The following GTF2F2 variants were observed in gnomAD, a reference collection of about 807,000 sequenced individuals.
The protein encoded by GTF2F2 is ATP-dependent helicase GTF2F2.
GTF2F2 carries 23 observed loss-of-function variants against 42.2 expected under a neutral mutation model. That is an observed-to-expected ratio of 0.55 (90% confidence interval 0.39 to 0.77). The LOEUF is 0.77. Ranked by LOEUF, GTF2F2 falls within the 30% of genes least tolerant of loss-of-function variation. The probability of loss-of-function intolerance (pLI) is 0.00; values close to 1 mark genes in which losing one functional copy is unlikely to be tolerated. For missense variants in GTF2F2, 261 were observed against 287.2 expected, an observed-to-expected ratio of 0.91 and a Z score of 0.66; for synonymous variants, 105 against 100.8, an observed-to-expected ratio of 1.04 and a Z score of -0.25.
intron 5 of GTF2F2, among the ~76,000 whole-genome samples, chr13:45,207,961 A>T (rs943119957): frequency 6.6e-6 from 1 of 152,084 alleles, no homozygotes; most frequent in South Asian, 2.1e-4. Flanking sequence ...GTTTGAGACC[A>T]ACCTGGGCAA....
rs1877372019 is a variant in GTF2F2 at position 45,284,031 on chromosome 13, GT to G, written c.*475del. 1 of 152,118 alleles carries G rather than the reference GT, an allele frequency of 6.6e-6. No individual in the cohort carries two copies. Among genetic ancestry groups the G allele is most frequent in the African/African-American group, 2.4e-5 (1 of 41,422 alleles). 9.4% of individuals were successfully genotyped at this position (152,118 alleles called of 1,614,324 possible). A position where few individuals can be genotyped will look rare whatever the true frequency, so the allele number is the denominator to read the frequency against. On this transcript the variant is annotated 3_prime_UTR_variant, in exon 8 of 8. Coordinates refer to ENST00000340473, the MANE Select transcript of GTF2F2 (RefSeq NM_004128.3). Reference sequence around the variant, plus strand: ...TGAAATTGTCAAAGAACAAAGCGGTGTTTTTCTTTTAAACAGGTGATCACGT... The same window carrying G: ...TGAAATTGTCAAAGAACAAAGCGGTGTTTTCTTTTAAACAGGTGATCACGT...
intron 4 of GTF2F2, among the ~76,000 whole-genome samples, chr13:45,189,500 C>A (rs1261308128): frequency 1.3e-5 from 2 of 152,240 alleles, no homozygotes; most frequent in African/African-American, 4.8e-5. Context: ...AATGGTTGAA[C>A]TAATTTACAT....
intron 4 of GTF2F2, among the ~76,000 whole-genome samples, chr13:45,171,239 A>G (rs1871584773): frequency 6.6e-6 from 1 of 151,906 alleles, no homozygotes; most frequent in Non-Finnish European, 1.5e-5. Flanking sequence ...CACCAGGCCC[A>G]GCTAACTTTT....
At chr13:45,232,713 C>T (rs1204345175) in intron 5 of GTF2F2, among the ~76,000 whole-genome samples, 1 of 152,176 alleles carries the variant, frequency 6.6e-6, no homozygotes, top group Non-Finnish European at 1.5e-5. Flanking sequence ...GTTAGGTCAG[C>T]CTTCTTGAAC....
intron 5 of GTF2F2, among the ~76,000 whole-genome samples, chr13:45,222,836 A>G (rs1238622052): frequency 6.6e-6 from 1 of 152,206 alleles, no homozygotes; most frequent in Non-Finnish European, 1.5e-5. Flanking sequence ...TGCTTCGTGA[A>G]CTATGGCTAG....
chr13:45,209,846 C>T (rs1430763020), intron 5 of GTF2F2, among the ~76,000 whole-genome samples: 1 of 152,110 alleles, frequency 6.6e-6, no homozygotes, highest in Non-Finnish European at 1.5e-5. Flanking sequence ...TTTTTCAGTC[C>T]AAAACCATTG....
rs773254844 is a variant in GTF2F2 at position 45,273,655 on chromosome 13, A to ATT, written c.630+6295_630+6296dup. Among the ~76,000 whole-genome samples, 574 of 123,880 alleles carry ATT rather than the reference A, an allele frequency of 4.6e-3. 18 individuals are homozygous for ATT. Among genetic ancestry groups the ATT allele is most frequent in the Middle Eastern group, 0.02 (5 of 246 alleles). 81.3% of individuals were successfully genotyped at this position (123,880 alleles called of 152,430 possible). On this transcript the variant is annotated intron_variant, in intron 7 of 7. Coordinates refer to ENST00000340473, the MANE Select transcript of GTF2F2 (RefSeq NM_004128.3). ...CCACTTGATTTTAAAGAGTGGTAAA[A>ATT]TTTTTTTTTTTTTTTTTGAGACGGA...
intron 4 of GTF2F2, among the ~76,000 whole-genome samples, chr13:45,179,709 T>C (rs1172690007): frequency 6.6e-6 from 1 of 152,206 alleles, no homozygotes; most frequent in Non-Finnish European, 1.5e-5. Flanking sequence ...TATTTGGGGC[T>C]TGTAATTTCT....
intron 2 of GTF2F2, among the ~76,000 whole-genome samples, chr13:45,148,601 C>T (rs955150284): frequency 2.6e-5 from 4 of 152,128 alleles, no homozygotes; most frequent in Admixed American, 2.6e-4. Flanking sequence ...TGGCTTCTTC[C>T]TGTCTGATCC....
chr13:45,214,944 A>ACT (rs1873827640), intron 5 of GTF2F2, among the ~76,000 whole-genome samples: 1 of 152,170 alleles, frequency 6.6e-6, no homozygotes, highest in African/African-American at 2.4e-5. Context: ...TTGTCTTAAA[A>ACT]GTTTTTATTT....
At chr13:45,162,914 TC>T (rs141274650) in intron 4 of GTF2F2, among the ~76,000 whole-genome samples, 3,334 of 148,926 alleles carry the variant, frequency 0.022, 60 homozygotes, top group Middle Eastern at 0.048. Flanking sequence ...ATTTTAGATT[TC>T]TCCCCACCCC....
intron 4 of GTF2F2, among the ~76,000 whole-genome samples, chr13:45,174,103 C>T (rs1264156235): frequency 6.6e-6 from 1 of 152,124 alleles, no homozygotes; most frequent in African/African-American, 2.4e-5. Context: ...ACTAGCCTCT[C>T]ATTGAAGAAT....
chr13:45,185,833 A>G (rs1229655469), intron 4 of GTF2F2, among the ~76,000 whole-genome samples: 1 of 152,302 alleles, frequency 6.6e-6, no homozygotes, highest in Non-Finnish European at 1.5e-5. Context: ...TTATTTCCAT[A>G]CACAGCTATG....
intron 1 of GTF2F2, 54 bp downstream of exon 1, chr13:45,120,775 G>A (rs558002017): frequency 1.5e-6 from 2 of 1,330,994 alleles, no homozygotes; most frequent in Admixed American, 2.0e-5. Context: ...TATAGTTTAA[G>A]TAACTTGAGC....
chr13:45,218,657 T>G (rs1015329415), intron 5 of GTF2F2, among the ~76,000 whole-genome samples: 1 of 152,242 alleles, frequency 6.6e-6, no homozygotes, highest in Non-Finnish European at 1.5e-5. Context: ...TGGTCTTTGA[T>G]TTTTCTGAAA....
In GTF2F2 at chr13:45,151,795, G is replaced by A. The variant is rs567194890; in HGVS notation, c.268G>A (p.Gly90Arg). The change falls in exon 4 of 8, where the codon GGA (glycine) becomes AGA (arginine). Residue 90 changes from glycine to arginine, a missense_variant. Physicochemically the swap from Gly to Arg is moderately radical, Grantham distance 125. Coordinates refer to ENST00000340473, the MANE Select transcript of GTF2F2 (RefSeq NM_004128.3). The part of the protein sequence containing the change: ...EHPFVLQSVG[G>R]QTLTVFTESS... ...TCCATTTGTCTTGCAAAGTGTTGGAGGACAGACATTAACAGTATTTACTGA... is the reference window on the plus strand; with the variant it reads ...TCCATTTGTCTTGCAAAGTGTTGGAAGACAGACATTAACAGTATTTACTGA... The A allele has an allele frequency of 6.0e-5, 95 of 1,574,984 alleles. No individual in the cohort carries two copies. The Admixed American group carries it at 6.9e-4, about 11-fold the overall frequency.
chr13:45,270,804 T>C (rs1224502534), intron 7 of GTF2F2, among the ~76,000 whole-genome samples: 1 of 152,218 alleles, frequency 6.6e-6, no homozygotes. Context: ...TTTTCATATT[T>C]TATCTGTCAA....
chr13:45,266,506 G>C, intron 6 of GTF2F2, among the ~76,000 whole-genome samples: 1 of 152,092 alleles, frequency 6.6e-6, no homozygotes, highest in East Asian at 1.9e-4. Context: ...CTGCCTCCAA[G>C]AACCCCACAT....
Position 45,208,871 on chromosome 13 carries a change from GTTTC to G in GTF2F2, c.386+1371_386+1374del, listed in dbSNP as rs1873522509. 2.0e-5 allele frequency among the ~76,000 whole-genome samples: 3 copies of G among 152,086 alleles called. No homozygotes were observed. The South Asian group carries it at 6.2e-4, about 32-fold the overall frequency. The stretch of plus-strand genomic sequence containing the variant: ...TAGCTTTGGAAAACAGGCAGAAGAT[GTTTC>G]TTTCATTGTTTTTAGCTTATAAAAC... On this transcript the variant is annotated intron_variant, in intron 5 of 7. Transcript: ENST00000340473.
Sources: gnomAD v4.1 joint callset for allele counts (sites outside exome capture counted in the v4.1 genomes callset) on GRCh38, gnomAD v4.1.1 for gene constraint, MANE v1.5 for transcripts, NCBI Gene and HGNC (gene_info 2026-07-23, HGNC 2026-07-21) for gene names.